Variants in PCDH15 observed in about 807,000 individuals in gnomAD.
The protein encoded by PCDH15 is protocadherin-15.
PCDH15 carries 129 observed loss-of-function variants against 178.5 expected under a neutral mutation model. The observed-to-expected ratio is 0.72, with a 90% confidence interval of 0.63 to 0.84. PCDH15 has a LOEUF of 0.84. Ranked by LOEUF, PCDH15 falls within the 40% of genes least tolerant of loss-of-function variation. PCDH15 has a pLI of 0.00. For synonymous variants in PCDH15, 800 were observed against 732.0 expected, an observed-to-expected ratio of 1.09 and a Z score of -1.50; for missense variants, 2,230 against 2,099.9, an observed-to-expected ratio of 1.06 and a Z score of -1.21.
At chr10:54,390,417 T>C (rs546651002) in intron 3 of PCDH15, among the ~76,000 whole-genome samples, 1 of 152,116 alleles carries the variant, frequency 6.6e-6, no homozygotes, top group Non-Finnish European at 1.5e-5. Context: ...CTCAGCCTCC[T>C]GAGGAGCTGG....
intron 8 of PCDH15, among the ~76,000 whole-genome samples, chr10:54,270,239 T>C (rs1377563949): frequency 2.6e-5 from 4 of 152,124 alleles, no homozygotes; most frequent in Admixed American, 2.0e-4. Flanking sequence ...AGATACTTCA[T>C]GAAATGTCTT....
chr10:55,375,529 CTT>C (rs1033711260), intron 2 of PCDH15, among the ~76,000 whole-genome samples: 3 of 152,076 alleles, frequency 2.0e-5, no homozygotes, highest in Non-Finnish European at 4.4e-5. Context: ...CTTCTAAAGT[CTT>C]TGTTCTTTTG....
intron 3 of PCDH15, among the ~76,000 whole-genome samples, chr10:54,433,199 C>T (rs1201224975): frequency 6.6e-6 from 1 of 152,016 alleles, no homozygotes; most frequent in African/African-American, 2.4e-5. Context: ...CACCACATGA[C>T]CCAGAAATTC....
At chr10:55,531,265 CAGTAAAAAAGTAGACTG>C (rs1841448797) in intron 2 of PCDH15, among the ~76,000 whole-genome samples, 1 of 151,864 alleles carries the variant, frequency 6.6e-6, no homozygotes, top group African/African-American at 2.4e-5. Context: ...GGTATGCAAG[CAGTAAAAAAGTAGACTG>C]AGGACACATT....
At chr10:54,572,148 C>G (rs1010612989) in intron 2 of PCDH15, among the ~76,000 whole-genome samples, 4 of 152,028 alleles carry the variant, frequency 2.6e-5, no homozygotes, top group African/African-American at 9.7e-5. Flanking sequence ...AATTTTACAC[C>G]TGCCTACATG....
At chr10:54,242,133 TATATATATATATATATATATATA>T (rs2055403635) in intron 8 of PCDH15, among the ~76,000 whole-genome samples, 3 of 3,092 alleles carry the variant, frequency 9.7e-4, no homozygotes, top group East Asian at 0.021. Flanking sequence ...TCTATTTTTA[TATATATATATATATATATATATA>T]TATATATATA....
intron 21 of PCDH15, among the ~76,000 whole-genome samples, chr10:53,981,901 A>C (rs2090676745): frequency 1.3e-5 from 2 of 150,444 alleles, no homozygotes; most frequent in African/African-American, 4.9e-5. Flanking sequence ...AATGGGAGAA[A>C]ATTTTCACAA....
At chr10:54,069,710 A>T (rs916187222) in intron 17 of PCDH15, among the ~76,000 whole-genome samples, 5 of 152,118 alleles carry the variant, frequency 3.3e-5, no homozygotes, top group South Asian at 2.1e-4. Flanking sequence ...TATTTATTTA[A>T]TTTTTCTTGA....
chr10:54,520,423 C>T (rs1402650119), intron 3 of PCDH15, among the ~76,000 whole-genome samples: 2 of 152,162 alleles, frequency 1.3e-5, no homozygotes, highest in African/African-American at 4.8e-5. Flanking sequence ...AGACACTTCT[C>T]AAAAGAAGAC....
At chr10:55,041,105 T>A (rs1337367822) in intron 2 of PCDH15, among the ~76,000 whole-genome samples, 1 of 152,164 alleles carries the variant, frequency 6.6e-6, no homozygotes, top group Non-Finnish European at 1.5e-5. Context: ...ATATTTTACT[T>A]TACTGTTTAA....
Position 54,069,561 on chromosome 10 carries a change from T to C in PCDH15, c.2092-2676A>G, listed in dbSNP as rs148424518. ...TATACATAGAATAATTTCCAGTTTA[T>C]ATATTTCTTGAAGTTTTTTAATACC... On this transcript the variant is annotated intron_variant, in intron 17 of 37. Transcript: ENST00000644397. Among the ~76,000 whole-genome samples, 6 of 152,346 alleles carry C rather than the reference T, an allele frequency of 3.9e-5. No homozygotes were observed. The East Asian group carries it at 1.2e-3, about 29-fold the overall frequency.
chr10:53,898,757 T>C (rs1589313298), intron 26 of PCDH15, among the ~76,000 whole-genome samples: 1 of 152,206 alleles, frequency 6.6e-6, no homozygotes, highest in East Asian at 1.9e-4. Context: ...AAACCAATCA[T>C]TTGCAAAGGT....
intron 2 of PCDH15, among the ~76,000 whole-genome samples, chr10:55,344,849 G>A (rs561477401): frequency 6.6e-6 from 1 of 152,110 alleles, no homozygotes; most frequent in African/African-American, 2.4e-5. Context: ...AAAGAAAAAA[G>A]GTCCAAGGAT....
chr10:55,334,880 G>A (rs1844338724), intron 2 of PCDH15, among the ~76,000 whole-genome samples: 2 of 152,152 alleles, frequency 1.3e-5, no homozygotes, highest in Admixed American at 1.3e-4. Context: ...TATGCTGAAT[G>A]CTTTAAAACA....
At position 53,805,169 on chromosome 10, in the gene PCDH15, AAAT is replaced by A. The variant is rs1841074077; in HGVS notation, c.*1407_*1409del. ...GACGCGAAACATGTAAGAGGGGAATAAATAATAGTGCATTATTCAGTCCTTCAA... is the reference window on the plus strand; with the variant it reads ...GACGCGAAACATGTAAGAGGGGAATAAATAGTGCATTATTCAGTCCTTCAA... On this transcript the variant is annotated 3_prime_UTR_variant, in exon 38 of 38. Coordinates refer to ENST00000644397, the MANE Select transcript of PCDH15 (RefSeq NM_001384140.1). The A allele has an allele frequency of 6.6e-6, 1 of 152,064 alleles. No homozygotes were observed. Among genetic ancestry groups the A allele is most frequent in the South Asian group, 2.1e-4 (1 of 4,832 alleles). 9.4% of individuals were successfully genotyped at this position (152,064 alleles called of 1,614,324 possible).
intron 2 of PCDH15, among the ~76,000 whole-genome samples, chr10:55,574,569 G>C (rs772710085): frequency 6.6e-6 from 1 of 151,974 alleles, no homozygotes; most frequent in Non-Finnish European, 1.5e-5. Flanking sequence ...TTTATAATCT[G>C]AAATCTACTA....
At chr10:55,570,982 A>G (rs776236912) in intron 2 of PCDH15, among the ~76,000 whole-genome samples, 45 of 152,134 alleles carry the variant, frequency 3.0e-4, no homozygotes, top group Non-Finnish European at 5.7e-4. Context: ...AATTCCCTAA[A>G]TATAGAATAT....
At chr10:55,372,102 A>C (rs1348849400) in intron 2 of PCDH15, among the ~76,000 whole-genome samples, 1 of 152,146 alleles carries the variant, frequency 6.6e-6, no homozygotes, top group Non-Finnish European at 1.5e-5. Context: ...ATCACAATAG[A>C]AACTTAATAT....
chr10:55,207,837 C>T (rs1448756288), intron 1 of PCDH15, among the ~76,000 whole-genome samples: 1 of 151,960 alleles, frequency 6.6e-6, no homozygotes, highest in Admixed American at 6.6e-5. Context: ...GGCGTGGTGG[C>T]ACACACCTGT....
Sources: gnomAD v4.1 joint callset for allele counts (sites outside exome capture counted in the v4.1 genomes callset) on GRCh38, gnomAD v4.1.1 for gene constraint, MANE v1.5 for transcripts, NCBI Gene and HGNC (gene_info 2026-07-23, HGNC 2026-07-21) for gene names.